Variants in RNGTT observed in about 807,000 individuals in gnomAD.
RNGTT encodes the protein RNA guanylyltransferase and 5'-phosphatase, also known as mRNA-capping enzyme.
RNGTT carries 33 observed loss-of-function variants against 79.3 expected under a neutral mutation model. The observed-to-expected ratio is 0.42, with a 90% CI of 0.32 to 0.56. The LOEUF (loss-of-function observed/expected upper bound fraction) is 0.56. Among genes scored for constraint, RNGTT ranks in the 20% least tolerant of loss-of-function variants. The pLI, the probability that RNGTT is intolerant of heterozygous loss-of-function variation, is 0.17. For missense variants in RNGTT, 497 were observed against 739.1 expected, an observed-to-expected ratio of 0.67 and a Z score of 3.80; for synonymous variants, 222 against 235.9, an observed-to-expected ratio of 0.94 and a Z score of 0.54.
At chr6:88,629,736 A>G (rs1490316866) in intron 14 of RNGTT, among the ~76,000 whole-genome samples, 3 of 152,164 alleles carry the variant, frequency 2.0e-5, no homozygotes, top group African/African-American at 4.8e-5. Context: ...TTTTCTGGAA[A>G]GTTGTTTTCT....
chr6:88,750,958 TC>T lies in RNGTT; in HGVS notation c.1439+18815del, dbSNP rs148561371. ...CAGTAATAGTTATTTATATCTGCCA[TC>T]CTAGTCAGGTTTTCACTCCTCCAGG... is the stretch of plus-strand genomic sequence containing the variant. On this transcript the variant is annotated intron_variant, in intron 13 of 15. Transcript: ENST00000369485. Among the ~76,000 whole-genome samples the T allele has an allele frequency of 6.2e-3, 942 of 152,276 alleles. 9 individuals are homozygous for T. Among genetic ancestry groups the T allele is most frequent in the African/African-American group, 0.022 (904 of 41,572 alleles).
intron 13 of RNGTT, among the ~76,000 whole-genome samples, chr6:88,722,462 G>A (rs1582382107): frequency 6.6e-6 from 1 of 152,148 alleles, no homozygotes; most frequent in Non-Finnish European, 1.5e-5. Context: ...AAAGACACAG[G>A]AGAAGAGAAA....
In RNGTT at chr6:88,769,804, C is replaced by T. The variant is rs751029461; in HGVS notation, c.1409G>A (p.Arg470His). 18 of 1,611,606 alleles carry T rather than the reference C, an allele frequency of 1.1e-5. No individual in the cohort carries two copies. The highest frequency in any genetic ancestry group is 2.2e-5 in the East Asian group (1 of 44,708). ...KPPSLNSVDF[R>H]LKITRMGGEG... ...TCCTCCCATTCTTGTTATTTTTAGA[C>T]GAAAATCCACAGAATTCAGACTGGG... is the stretch of plus-strand genomic sequence containing the variant. The change falls in exon 13 of 16, where the codon CGT becomes CAT. Residue 470 changes from arginine to histidine, a missense_variant. Arg to His is a conservative substitution (Grantham distance 29). Transcript: ENST00000369485.
chr6:88,834,064 T>C (rs548643410), intron 11 of RNGTT, among the ~76,000 whole-genome samples: 2 of 152,166 alleles, frequency 1.3e-5, no homozygotes, highest in African/African-American at 4.8e-5. Flanking sequence ...ATCATCATTT[T>C]CCTCTGAATC....
rs77595179 is a variant in RNGTT, at chr6:88,737,661, C to T, written c.1439+32113G>A. 8.8e-3 allele frequency among the ~76,000 whole-genome samples: 1,334 copies of T among 152,248 alleles called. 20 individuals carry two copies. The highest frequency in any genetic ancestry group is 0.03 in the African/African-American group (1,251 of 41,544). On this transcript the variant is annotated intron_variant, in intron 13 of 15. Coordinates refer to ENST00000369485, the MANE Select transcript of RNGTT (RefSeq NM_003800.5). ...AAAGACAGCAGAGAGTGTTTTCCTC[C>T]TCCCCTTGTGCCATGTGAATACACA...
At chr6:88,613,510 C>T (rs1036235076) in intron 15 of RNGTT, among the ~76,000 whole-genome samples, 1 of 152,188 alleles carries the variant, frequency 6.6e-6, no homozygotes. Context: ...CCTAAATGTA[C>T]AACAGTAACT....
chr6:88,903,973 A>G (rs1247533545), intron 6 of RNGTT, among the ~76,000 whole-genome samples: 1 of 152,188 alleles, frequency 6.6e-6, no homozygotes, highest in Non-Finnish European at 1.5e-5. Flanking sequence ...GGTTGGCTAG[A>G]GAAGTGAGAG....
rs148902465 is a variant in RNGTT, at chr6:88,641,800, T to C, written c.1507-27405A>G. 4.4e-3 allele frequency among the ~76,000 whole-genome samples: 663 copies of C among 152,342 alleles called. 5 individuals are homozygous for C. The highest frequency in any genetic ancestry group is 0.013 in the African/African-American group (560 of 41,576). On this transcript the variant is annotated intron_variant, in intron 14 of 15. Transcript: ENST00000369485. ...AACCACTGTAAATGAAACAACACTC[T>C]TTCTGAGCATAACTGCAGCTGCTTT...
chr6:88,885,261 A>T (rs1782820200), intron 8 of RNGTT, among the ~76,000 whole-genome samples: 1 of 152,164 alleles, frequency 6.6e-6, no homozygotes, highest in African/African-American at 2.4e-5. Context: ...AGTTGATTCC[A>T]GGGCTGGGGT....
chr6:88,684,925 T>C (rs921429932), intron 13 of RNGTT, among the ~76,000 whole-genome samples: 16 of 152,138 alleles, frequency 1.1e-4, no homozygotes, highest in African/African-American at 3.9e-4. Context: ...ACTTTTGCTA[T>C]GAACCTAAAA....
intron 4 of RNGTT, among the ~76,000 whole-genome samples, chr6:88,915,360 T>C (rs1783965519): frequency 6.6e-6 from 1 of 152,200 alleles, no homozygotes; most frequent in African/African-American, 2.4e-5. Flanking sequence ...AGACATGGAA[T>C]TAACCTAGGT....
chr6:88,921,509 A>T (rs1290040002), intron 4 of RNGTT, among the ~76,000 whole-genome samples: 2 of 152,160 alleles, frequency 1.3e-5, no homozygotes, highest in Non-Finnish European at 2.9e-5. Flanking sequence ...CAGTAACTAC[A>T]GCTTCATAGT....
At chr6:88,662,374 GCAT>G (rs1410323412) in intron 14 of RNGTT, among the ~76,000 whole-genome samples, 1 of 152,190 alleles carries the variant, frequency 6.6e-6, no homozygotes, top group African/African-American at 2.4e-5. Context: ...CATCACTGAT[GCAT>G]GTAGCTCTCA....
chr6:88,705,256 C>T (rs1411652642), intron 13 of RNGTT, among the ~76,000 whole-genome samples: 1 of 152,112 alleles, frequency 6.6e-6, no homozygotes, highest in Non-Finnish European at 1.5e-5. Flanking sequence ...TCAATGGTTG[C>T]TCGGTAGATA....
intron 13 of RNGTT, among the ~76,000 whole-genome samples, chr6:88,713,504 C>A (rs1335165386): frequency 6.6e-6 from 1 of 152,128 alleles, no homozygotes; most frequent in Non-Finnish European, 1.5e-5. Flanking sequence ...TTATTTCACA[C>A]AACAGTATTC....
chr6:88,775,475 C>T (rs1778844952), intron 12 of RNGTT, among the ~76,000 whole-genome samples: 1 of 152,124 alleles, frequency 6.6e-6, no homozygotes, highest in Non-Finnish European at 1.5e-5. Flanking sequence ...CCTTTGAATA[C>T]CCACAACTGA....
At chr6:88,910,438 A>C (rs1783793135) in intron 4 of RNGTT, among the ~76,000 whole-genome samples, 2 of 152,350 alleles carry the variant, frequency 1.3e-5, no homozygotes, top group Non-Finnish European at 2.9e-5. Flanking sequence ...ACTGAGTCAG[A>C]CAAAAATAAA....
chr6:88,667,182 T>C (rs768947556), intron 14 of RNGTT, among the ~76,000 whole-genome samples: 10 of 152,086 alleles, frequency 6.6e-5, no homozygotes, highest in Non-Finnish European at 1.0e-4. Flanking sequence ...CCGCATCTAG[T>C]GCCTACTTAT....
intron 8 of RNGTT, among the ~76,000 whole-genome samples, chr6:88,874,387 T>C (rs1045850297): frequency 6.6e-6 from 1 of 152,130 alleles, no homozygotes. Flanking sequence ...TAATCCATCT[T>C]CATGAAAAGA....
Sources: gnomAD v4.1 joint callset for allele counts (sites outside exome capture counted in the v4.1 genomes callset) on GRCh38, gnomAD v4.1.1 for gene constraint, MANE v1.5 for transcripts, NCBI Gene and HGNC (gene_info 2026-07-23, HGNC 2026-07-21) for gene names.